HOOK3: variants seen among roughly 807,000 people sequenced by gnomAD.
The protein encoded by HOOK3 is hook microtubule tethering protein 3, also known as protein Hook homolog 3.
A neutral mutation model predicts 116.3 loss-of-function variants in HOOK3; 24 were observed. That is an observed-to-expected ratio of 0.21 (90% confidence interval 0.15 to 0.29). HOOK3 has a LOEUF of 0.29. HOOK3 is among the 10% of genes least tolerant of loss of function. The pLI is 1.00. For missense variants in HOOK3, 632 were observed against 830.2 expected (o/e 0.76, Z 2.93); for synonymous variants, 275 against 283.0 (o/e 0.97, Z 0.28).
At chr8:42,953,338 G>C (rs964785211) in intron 6 of HOOK3, among the ~76,000 whole-genome samples, 1 of 151,766 alleles carries the variant, frequency 6.6e-6, no homozygotes, top group East Asian at 1.9e-4. Flanking sequence ...GGTTGAGGTG[G>C]GTGGATCACG....
chr8:43,030,196 G>C lies in HOOK3; in HGVS notation c.*11698G>C. On this transcript the variant is annotated 3_prime_UTR_variant, in exon 22 of 22. Coordinates refer to ENST00000307602, the MANE Select transcript of HOOK3 (RefSeq NM_032410.4). ...GTGGGTTTTCTGGCTGTTTTTCTGA[G>C]GTGAATGACTTGTTACAGAGCCTCA... 1 of 200,544 alleles carries C rather than the reference G, an allele frequency of 5.0e-6. No homozygotes were observed. The highest frequency in any genetic ancestry group is 7.8e-5 in the East Asian group (1 of 12,892). 12.4% of individuals were successfully genotyped at this position (200,544 alleles called of 1,614,324 possible).
intron 10 of HOOK3, among the ~76,000 whole-genome samples, chr8:42,967,702 C>A (rs1319166874): frequency 1.3e-5 from 2 of 152,066 alleles, no homozygotes; most frequent in Non-Finnish European, 2.9e-5. Flanking sequence ...CACTACCCCA[C>A]TGAAGCTGCT....
chr8:42,939,615 G>T (rs1309980823), intron 4 of HOOK3, among the ~76,000 whole-genome samples: 1 of 150,934 alleles, frequency 6.6e-6, no homozygotes, highest in South Asian at 2.1e-4. Flanking sequence ...CTGGCCGGGC[G>T]GGGGGCTGAC....
At chr8:43,017,781 T>C (rs1809751490) in intron 21 of HOOK3, among the ~76,000 whole-genome samples, 1 of 152,184 alleles carries the variant, frequency 6.6e-6, no homozygotes, top group Non-Finnish European at 1.5e-5. Flanking sequence ...TCTAAGTTAG[T>C]AGGCGATCCT....
chr8:42,979,479 T>C (rs982847240), intron 13 of HOOK3, among the ~76,000 whole-genome samples: 5 of 152,206 alleles, frequency 3.3e-5, no homozygotes, highest in African/African-American at 1.2e-4. Flanking sequence ...TGGTGGAGGC[T>C]GATGGATTGC....
intron 6 of HOOK3, among the ~76,000 whole-genome samples, 179 bp downstream of exon 6, chr8:42,950,634 A>G (rs1415876322): frequency 2.6e-5 from 4 of 152,114 alleles, no homozygotes; most frequent in Non-Finnish European, 2.9e-5. Context: ...TAAATTTTCC[A>G]ATTTTATTTA....
chr8:42,956,719 C>T (rs934895126), intron 6 of HOOK3, among the ~76,000 whole-genome samples: 12 of 152,024 alleles, frequency 7.9e-5, no homozygotes, highest in South Asian at 2.1e-4. Context: ...TGAGTAGCTA[C>T]GATTACAGGC....
chr8:42,968,290 A>G, intron 11 of HOOK3, 76 bp downstream of exon 11: 3 of 1,019,104 alleles, frequency 2.9e-6, no homozygotes, highest in Non-Finnish European at 4.5e-6. Context: ...CAAAATTACT[A>G]ATTTGTTTTC....
intron 4 of HOOK3, among the ~76,000 whole-genome samples, chr8:42,933,251 G>C (rs1807904870): frequency 6.6e-6 from 1 of 152,162 alleles, no homozygotes; most frequent in South Asian, 2.1e-4. Flanking sequence ...GATTGTATAT[G>C]CCATATGATA....
intron 4 of HOOK3, 68 bp from the exon 5 acceptor site, chr8:42,943,245 G>A (rs979184120): frequency 1.0e-5 from 11 of 1,047,806 alleles, no homozygotes; most frequent in South Asian, 5.7e-5. Flanking sequence ...AACAAACCTC[G>A]ATCAAGTTTT....
intron 2 of HOOK3, among the ~76,000 whole-genome samples, chr8:42,906,645 G>C (rs968687906): frequency 6.6e-6 from 1 of 152,096 alleles, no homozygotes; most frequent in Non-Finnish European, 1.5e-5. Flanking sequence ...AAATAGCAAC[G>C]ACAATTCCCT....
chr8:42,918,745 T>G (rs1320614972), intron 2 of HOOK3, among the ~76,000 whole-genome samples: 1 of 152,110 alleles, frequency 6.6e-6, no homozygotes. Context: ...GGGTTGGGGG[T>G]AAGGTTATAG....
At chr8:42,939,853 G>C (rs1319014563) in intron 4 of HOOK3, among the ~76,000 whole-genome samples, 1 of 151,450 alleles carries the variant, frequency 6.6e-6, no homozygotes, top group African/African-American at 2.4e-5. Context: ...CGGGGCGGCA[G>C]GGCAGAGGCG....
In HOOK3 at chr8:43,022,806, G is replaced by A. The variant is rs1809853528; in HGVS notation, c.*4308G>A. On this transcript the variant is annotated 3_prime_UTR_variant, in exon 22 of 22. Coordinates refer to ENST00000307602, the MANE Select transcript of HOOK3 (RefSeq NM_032410.4). The stretch of plus-strand genomic sequence containing the variant: ...CCTAAGTGTTTTAATTAGATTATTA[G>A]ACTATAATAAGGATGAAATTGCTGT... 1 of 176,796 alleles carries A rather than the reference G, an allele frequency of 5.7e-6. No individual in the cohort carries two copies. Among genetic ancestry groups the A allele is most frequent in the South Asian group, 2.0e-4 (1 of 5,040 alleles). The allele number at this position is 176,796 out of a possible 1,614,324, so 11.0% of individuals were successfully genotyped here. A position where few individuals can be genotyped will look rare whatever the true frequency, so the allele number is the denominator to read the frequency against.
At chr8:42,941,850 C>T (rs1268960910) in intron 4 of HOOK3, among the ~76,000 whole-genome samples, 1 of 152,098 alleles carries the variant, frequency 6.6e-6, no homozygotes, top group African/African-American at 2.4e-5. Flanking sequence ...CGACTTTGCC[C>T]ATGGTAACCT....
intron 5 of HOOK3, among the ~76,000 whole-genome samples, chr8:42,947,313 T>C (rs540785254): frequency 6.6e-6 from 1 of 152,362 alleles, no homozygotes; most frequent in African/African-American, 2.4e-5. Context: ...TAACTTCTTA[T>C]GTATCCTTTT....
chr8:43,013,293 C>A, intron 20 of HOOK3, 36 bp from the exon 21 acceptor site: 1 of 1,469,424 alleles, frequency 6.8e-7, no homozygotes, highest in Non-Finnish European at 9.2e-7. Context: ...TATTTTATAT[C>A]TTTACATATT....
At chr8:42,915,177 T>G (rs909095266) in intron 2 of HOOK3, among the ~76,000 whole-genome samples, 1 of 152,114 alleles carries the variant, frequency 6.6e-6, no homozygotes, top group Non-Finnish European at 1.5e-5. Context: ...CCAGGGACTG[T>G]CCGATGGTCA....
At chr8:42,966,160 G>A (rs1466466202) in intron 9 of HOOK3, among the ~76,000 whole-genome samples, 1 of 151,974 alleles carries the variant, frequency 6.6e-6, no homozygotes, top group Non-Finnish European at 1.5e-5. Context: ...AATCCACTGT[G>A]CCAGACCATA....
Sources: allele counts gnomAD v4.1 joint callset (sites outside exome capture counted in the v4.1 genomes callset), GRCh38; gene constraint gnomAD v4.1.1; transcripts MANE v1.5; gene names NCBI Gene and HGNC (gene_info 2026-07-23, HGNC 2026-07-21).